Variants in CAMSAP2 observed in about 807,000 individuals in gnomAD.
CAMSAP2 encodes the protein calmodulin-regulated spectrin-associated protein 2.
A neutral mutation model predicts 146.1 loss-of-function variants in CAMSAP2; 26 were observed. The ratio of observed to expected loss-of-function variants is 0.18; its 90% CI spans 0.13 to 0.25. The LOEUF (loss-of-function observed/expected upper bound fraction) is 0.25, where lower values mean the gene tolerates loss of function less well. CAMSAP2 is among the 10% of genes least tolerant of loss of function. The pLI, the probability that CAMSAP2 is intolerant of heterozygous loss-of-function variation, is 1.00. For synonymous variants in CAMSAP2, 499 were observed against 596.6 expected, an observed-to-expected ratio of 0.84 and a Z score of 2.38; for missense variants, 1,381 against 1,759.3, an observed-to-expected ratio of 0.78 and a Z score of 3.85.
At position 200,849,891 on chromosome 1, in the gene CAMSAP2, A is replaced by T. The variant is rs1469971861; in HGVS notation, c.3122A>T (p.Lys1041Met). ...KESKPKEEVK[K>M]EELESKGTLE... ...TCCAAACCTAAAGAGGAAGTTAAAAAGGAGGAATTGGAATCCAAAGGGACT... is the reference window on the plus strand; with the variant it reads ...TCCAAACCTAAAGAGGAAGTTAAAATGGAGGAATTGGAATCCAAAGGGACT... Residue 1041 changes from lysine to methionine, a missense_variant, in exon 11 of 17, where the codon AAG (lysine) becomes ATG (methionine). This residue lies in a region of CAMSAP2 where 560 missense variants were observed against 715.9 expected (regional missense o/e 0.78). Coordinates refer to ENST00000358823, the MANE Select transcript of CAMSAP2 (RefSeq NM_203459.4). The surrounding 1 kb of genome is among the most constrained non-coding windows in gnomAD (Gnocchi z 6.3). 15 of 1,614,084 alleles carry T rather than the reference A, an allele frequency of 9.3e-6. No individual in the cohort carries two copies. Among genetic ancestry groups the T allele is most frequent in the Non-Finnish European group, 1.3e-5 (15 of 1,180,038 alleles).
chr1:200,748,002 A>AG lies in CAMSAP2; in HGVS notation c.139+8036_139+8037insG, dbSNP rs1436206879. On this transcript the variant is annotated intron_variant, in intron 1 of 16. Transcript: ENST00000358823. ...ACTCCGTCTCAAAAAAAAAAAAAAA[A>AG]AAAGAAAATGGCTGTAGCAGTTCTA... Among the ~76,000 whole-genome samples, 16 of 151,808 alleles carry AG rather than the reference A, an allele frequency of 1.1e-4. No individual in the cohort carries two copies. The East Asian group carries it at 2.3e-3, about 22-fold the overall frequency.
At chr1:200,847,557 C>T (rs1223772001) in intron 9 of CAMSAP2, 83 bp from the exon 10 acceptor site, 3 of 1,080,804 alleles carry the variant, frequency 2.8e-6, no homozygotes, top group Middle Eastern at 2.2e-4. Context: ...TTAATGAATC[C>T]TCAAATACAT....
At chr1:200,854,911 A>G (rs765616086) in intron 14 of CAMSAP2, 22 bp downstream of exon 14, 2 of 1,555,122 alleles carry the variant, frequency 1.3e-6, no homozygotes, top group Non-Finnish European at 8.8e-7. Context: ...ACGTATGAAT[A>G]TTTTTACAGA....
At chr1:200,810,837 C>T (rs1282686248) in intron 3 of CAMSAP2, among the ~76,000 whole-genome samples, 3 of 152,114 alleles carry the variant, frequency 2.0e-5, no homozygotes, top group East Asian at 1.9e-4. Context: ...TGCAGCGACT[C>T]GAGATTGCAC....
intron 1 of CAMSAP2, among the ~76,000 whole-genome samples, chr1:200,747,053 C>T (rs1053876094): frequency 3.3e-5 from 5 of 152,058 alleles, no homozygotes; most frequent in Non-Finnish European, 7.4e-5. Context: ...GGACTACATG[C>T]CTGGCTAATT....
intron 1 of CAMSAP2, among the ~76,000 whole-genome samples, chr1:200,755,008 G>A (rs999617139): frequency 1.3e-5 from 2 of 152,086 alleles, no homozygotes; most frequent in African/African-American, 4.8e-5. Context: ...TTAGCCAATG[G>A]CATCCCCTTC....
chr1:200,833,788 A>G (rs535278113), intron 6 of CAMSAP2, among the ~76,000 whole-genome samples: 47 of 152,306 alleles, frequency 3.1e-4, no homozygotes, highest in Admixed American at 9.2e-4. Flanking sequence ...GCATAAATAT[A>G]TGATATGTAT....
At position 200,849,863 on chromosome 1, in the gene CAMSAP2, G is replaced by A; in HGVS notation, c.3094G>A (p.Glu1032Lys). The A allele has an allele frequency of 6.2e-7, 1 of 1,614,142 alleles. No homozygotes were observed. Among genetic ancestry groups the A allele is most frequent in the Non-Finnish European group, 8.5e-7 (1 of 1,180,032 alleles). The change falls in exon 11 of 17, where the codon GAA becomes AAA. Residue 1032 changes from glutamate to lysine, a missense_variant. Transcript: ENST00000358823. The surrounding 1 kb of genome is among the most constrained non-coding windows in gnomAD (Gnocchi z 6.3). ...GGATGATGGAGAACCTCAGTTAAAG[G>A]AATCCAAACCTAAAGAGGAAGTTAA... ...FGDDGEPQLK[E>K]SKPKEEVKKE... is the part of the protein sequence containing the mutation.
chr1:200,814,108 CAA>C (rs34408164), intron 3 of CAMSAP2, among the ~76,000 whole-genome samples: 48 of 28,746 alleles, frequency 1.7e-3, no homozygotes, highest in African/African-American at 5.7e-3. Context: ...ACTGTGTTTC[CAA>C]AAAAAAAAAA....
At chr1:200,743,773 TCTA>T (rs1664242036) in intron 1 of CAMSAP2, among the ~76,000 whole-genome samples, 1 of 151,776 alleles carries the variant, frequency 6.6e-6, no homozygotes, top group African/African-American at 2.4e-5. Context: ...AAACCCCGTC[TCTA>T]CTAAAAATAG....
intron 4 of CAMSAP2, chr1:200,828,524 T>C: frequency 6.5e-7 from 1 of 1,537,792 alleles, no homozygotes; most frequent in Non-Finnish European, 8.8e-7. Flanking sequence ...CTGATGAATT[T>C]TCCCTTTACC....
intron 2 of CAMSAP2, among the ~76,000 whole-genome samples, chr1:200,790,841 AT>A (rs1665729166): frequency 6.6e-6 from 1 of 151,502 alleles, no homozygotes; most frequent in Admixed American, 6.6e-5. Context: ...AGTTATCTTT[AT>A]TTTACCTCCT....
rs369065020 is a variant in CAMSAP2 at position 200,854,805 on chromosome 1, G to A, written c.3824-12G>A. 1.1e-5 allele frequency: 18 copies of A among 1,601,628 alleles called. No individual in the cohort carries two copies. Among genetic ancestry groups the A allele is most frequent in the South Asian group, 4.5e-5 (4 of 88,650 alleles). On this transcript the variant is annotated splice_polypyrimidine_tract_variant and intron_variant, in intron 13 of 16. Transcript: ENST00000358823. The stretch of plus-strand genomic sequence containing the variant: ...TTTTATTCAGGATCATGAATTTATC[G>A]TGTTTTTTCAGTCTCTAGCCTTTCT...
chr1:200,816,212 C>G (rs955404382), intron 4 of CAMSAP2, among the ~76,000 whole-genome samples: 1 of 151,908 alleles, frequency 6.6e-6, no homozygotes. Context: ...CGCTTAAACT[C>G]AGGAGGCAGA....
chr1:200,819,916 A>G (rs533261786), intron 4 of CAMSAP2, among the ~76,000 whole-genome samples: 1 of 152,306 alleles, frequency 6.6e-6, no homozygotes, highest in South Asian at 2.1e-4. Flanking sequence ...CAATATAAGT[A>G]GTGACACTAA....
At chr1:200,783,017 C>T (rs1277553655) in intron 2 of CAMSAP2, among the ~76,000 whole-genome samples, 7 of 151,664 alleles carry the variant, frequency 4.6e-5, no homozygotes, top group Non-Finnish European at 8.8e-5. Flanking sequence ...TCGCCTGCCT[C>T]GGCCTCCCAA....
At chr1:200,835,005 T>C (rs1178415896) in intron 6 of CAMSAP2, among the ~76,000 whole-genome samples, 2 of 152,200 alleles carry the variant, frequency 1.3e-5, no homozygotes, top group Non-Finnish European at 2.9e-5. Context: ...AGTTCAAGAT[T>C]TGCTGTTGTT....
intron 7 of CAMSAP2, among the ~76,000 whole-genome samples, 156 bp downstream of exon 7, chr1:200,842,243 G>A (rs1667343259): frequency 2.0e-5 from 3 of 151,942 alleles, no homozygotes; most frequent in African/African-American, 7.3e-5. Context: ...TCTTAAAATG[G>A]TTAGAGGAGA....
intron 2 of CAMSAP2, among the ~76,000 whole-genome samples, chr1:200,768,767 C>T (rs1665030239): frequency 1.3e-5 from 2 of 152,256 alleles, no homozygotes; most frequent in South Asian, 4.1e-4. Flanking sequence ...GATTCTCCTG[C>T]CTCAGCCTCC....
Sources: allele counts gnomAD v4.1 joint callset (sites outside exome capture counted in the v4.1 genomes callset), GRCh38; gene constraint gnomAD v4.1.1; regional missense constraint gnomAD v4.1.1; non-coding constraint Gnocchi (gnomAD v3.1); transcripts MANE v1.5; gene names NCBI Gene and HGNC (gene_info 2026-07-23, HGNC 2026-07-21).